Variants in RNF38 observed in about 807,000 individuals in gnomAD.
RNF38 encodes the protein ring finger protein 38.
Under a neutral mutation model 67.2 loss-of-function variants are expected in RNF38, and 15 were observed. The ratio of observed to expected loss-of-function variants is 0.22; its 90% confidence interval spans 0.15 to 0.34. The LOEUF (loss-of-function observed/expected upper bound fraction) is 0.34, where lower values mean the gene tolerates loss of function less well. Ranked by LOEUF, RNF38 falls within the 10% of genes least tolerant of loss-of-function variation. The probability of loss-of-function intolerance (pLI) is 1.00; values close to 1 mark genes in which losing one functional copy is unlikely to be tolerated. For missense variants in RNF38, 524 were observed against 639.9 expected (o/e 0.82, Z 1.95); for synonymous variants, 220 against 218.8 (o/e 1.01, Z -0.05).
At chr9:36,487,030 C>G (rs951198664) in intron 1 of RNF38, among the ~76,000 whole-genome samples, 12 of 152,180 alleles carry the variant, frequency 7.9e-5, no homozygotes, top group Non-Finnish European at 1.5e-4. Flanking sequence ...ACTTCCCCCT[C>G]TAAGCCTCGG....
At chr9:36,392,664 C>A (rs1837198951) in intron 1 of RNF38, among the ~76,000 whole-genome samples, 1 of 152,100 alleles carries the variant, frequency 6.6e-6, no homozygotes, top group Non-Finnish European at 1.5e-5. Context: ...ACTCAGGAGG[C>A]TAAGGCAGGA....
intron 1 of RNF38, among the ~76,000 whole-genome samples, chr9:36,475,765 C>G (rs1247800937): frequency 6.6e-6 from 1 of 150,980 alleles, no homozygotes; most frequent in Non-Finnish European, 1.5e-5. Context: ...CGCCTGTAAT[C>G]CCAGCACTTT....
chr9:36,379,663 C>T (rs1004287411), intron 2 of RNF38, among the ~76,000 whole-genome samples: 68 of 151,836 alleles, frequency 4.5e-4, no homozygotes, highest in Non-Finnish European at 4.9e-4. Context: ...CCAGAGAGTA[C>T]AATGAAATGA....
intron 2 of RNF38, among the ~76,000 whole-genome samples, chr9:36,418,555 G>A (rs934988961): frequency 6.6e-6 from 1 of 151,940 alleles, no homozygotes; most frequent in African/African-American, 2.4e-5. Flanking sequence ...GGAGGCTGAG[G>A]CGGGCAGATC....
At chr9:36,445,725 ACTC>A (rs1433385665) in intron 1 of RNF38, among the ~76,000 whole-genome samples, 1 of 152,062 alleles carries the variant, frequency 6.6e-6, no homozygotes, top group Non-Finnish European at 1.5e-5. Flanking sequence ...CCAGCCGACA[ACTC>A]CTTACTCCAG....
At chr9:36,407,583 T>C (rs1838212228) in intron 2 of RNF38, among the ~76,000 whole-genome samples, 1 of 152,150 alleles carries the variant, frequency 6.6e-6, no homozygotes, top group South Asian at 2.1e-4. Flanking sequence ...CACAGCATAT[T>C]CAACCTCTAG....
At chr9:36,484,174 G>A (rs1840344708) in intron 1 of RNF38, among the ~76,000 whole-genome samples, 1 of 152,168 alleles carries the variant, frequency 6.6e-6, no homozygotes, top group African/African-American at 2.4e-5. Context: ...CCCTACACCT[G>A]ATATATCAGA....
rs753735428 is a variant in RNF38 at position 36,441,330 on chromosome 9, A to ATT, written n.242-16649_242-16648dup. On this transcript the variant is annotated intron_variant and non_coding_transcript_variant, in intron 1 of 3. Coordinates refer to the RNF38 transcript ENST00000488058. The stretch of plus-strand genomic sequence containing the variant: ...TCTGTTCTGGGTTACTAAATTACCA[A>ATT]TTTTTTTTTTTTTTTTGATGGAGTC... Among the ~76,000 whole-genome samples, 110 of 142,850 alleles carry ATT rather than the reference A, an allele frequency of 7.7e-4. 2 individuals are homozygous for ATT. In the South Asian group the frequency reaches 0.021, roughly 28 times the overall value. 93.7% of individuals were successfully genotyped at this position (142,850 alleles called of 152,430 possible). A position where few individuals can be genotyped will look rare whatever the true frequency, so the allele number is the denominator to read the frequency against.
intron 4 of RNF38, among the ~76,000 whole-genome samples, chr9:36,361,638 G>A (rs1226799840): frequency 6.6e-6 from 1 of 152,148 alleles, no homozygotes; most frequent in African/African-American, 2.4e-5. Context: ...AGTTCTGATA[G>A]TTCTTCACTT....
At chr9:36,353,518 T>G (rs987823105) in intron 6 of RNF38, among the ~76,000 whole-genome samples, 187 bp from the exon 7 acceptor site, 1 of 152,192 alleles carries the variant, frequency 6.6e-6, no homozygotes, top group Non-Finnish European at 1.5e-5. Context: ...AAAATCTTCC[T>G]AACTTTGATT....
chr9:36,361,902 T>A (rs1834566150), intron 4 of RNF38, among the ~76,000 whole-genome samples: 1 of 152,096 alleles, frequency 6.6e-6, no homozygotes, highest in South Asian at 2.1e-4. Flanking sequence ...TACCACTTAA[T>A]CCCTATGGGT....
At chr9:36,341,060 C>T (rs979868327) in intron 11 of RNF38, among the ~76,000 whole-genome samples, 1 of 152,146 alleles carries the variant, frequency 6.6e-6, no homozygotes, top group African/African-American at 2.4e-5. Context: ...AGAAATCCTT[C>T]TATAAAACAG....
chr9:36,400,872 A>G, upstream of RNF38: 1 of 965,572 alleles, frequency 1.0e-6, no homozygotes, highest in Non-Finnish European at 1.2e-6. Context: ...GCAACACCGC[A>G]CTAGGGGCCC....
rs1315332463 is a variant in RNF38 at position 36,339,807 on chromosome 9, C to T, written c.1493G>A (p.Arg498His). The change falls in exon 12 of 12, where the codon CGT (arginine) becomes CAT (histidine). Residue 498 changes from arginine to histidine, a missense_variant. By Grantham distance (29) the Arg-to-His change is conservative. Around this residue, in one of 2 missense-constraint regions of RNF38, gnomAD observed 63 missense variants for 122.5 expected, o/e 0.51. Coordinates refer to ENST00000259605, the MANE Select transcript of RNF38 (RefSeq NM_022781.5). ...KCVDKWLKAN[R>H]TCPICRADAS... Reference sequence around the variant, plus strand: ...ATCAGCTCGGCAAATTGGGCAAGTACGATTTGCCTACAAAACAAAAAGGAA... The same window carrying T: ...ATCAGCTCGGCAAATTGGGCAAGTATGATTTGCCTACAAAACAAAAAGGAA... The T allele has an allele frequency of 6.2e-7, 1 of 1,612,284 alleles. No individual in the cohort carries two copies. Among genetic ancestry groups the T allele is most frequent in the Non-Finnish European group, 8.5e-7 (1 of 1,178,922 alleles).
At chr9:36,405,892 G>A (rs146051032), upstream of RNF38, among the ~76,000 whole-genome samples, 1,053 of 152,268 alleles carry the variant, frequency 6.9e-3, 14 homozygotes, top group African/African-American at 0.024. Context: ...CTAGTTAATA[G>A]TCTGTCAAAT....
intron 1 of RNF38, among the ~76,000 whole-genome samples, chr9:36,397,697 G>C (rs1373135274): frequency 2.0e-5 from 3 of 152,134 alleles, no homozygotes; most frequent in African/African-American, 7.2e-5. Context: ...GAAAACAGAT[G>C]CAACGAAAGA....
intron 1 of RNF38, among the ~76,000 whole-genome samples, chr9:36,466,905 C>T (rs369257905): frequency 2.0e-5 from 3 of 151,060 alleles, no homozygotes; most frequent in Admixed American, 6.6e-5. Context: ...CAGCCAGTTG[C>T]GGTGGCTCAC....
chr9:36,482,360 T>TC (rs200933387), intron 1 of RNF38, among the ~76,000 whole-genome samples: 7,035 of 131,034 alleles, frequency 0.054, 583 homozygotes, highest in African/African-American at 0.18. Context: ...GACCTTTTTT[T>TC]TTTTTTTTTT....
At chr9:36,468,465 T>C (rs774759648) in intron 1 of RNF38, among the ~76,000 whole-genome samples, 5 of 152,172 alleles carry the variant, frequency 3.3e-5, no homozygotes, top group Non-Finnish European at 7.3e-5. Flanking sequence ...AGGATGGATC[T>C]GGAGAGGTAA....
Sources: gnomAD v4.1 joint callset for allele counts (sites outside exome capture counted in the v4.1 genomes callset) on GRCh38, gnomAD v4.1.1 for gene constraint, gnomAD v4.1.1 regional missense constraint, MANE v1.5 for transcripts, NCBI Gene and HGNC (gene_info 2026-07-23, HGNC 2026-07-21) for gene names.